The following LPP variants were observed in gnomAD, a reference collection of about 807,000 sequenced individuals.
LPP encodes LIM domain containing preferred translocation partner in lipoma.
In LPP, 38 loss-of-function variants were observed where a neutral mutation model predicts 60.4. That is an observed-to-expected ratio of 0.63 (90% CI 0.49 to 0.83). The LOEUF is 0.83. LPP is among the 40% of genes least tolerant of loss of function. The pLI is 0.00. For missense variants in LPP, 902 were observed against 783.6 expected, an observed-to-expected ratio of 1.15 and a Z score of -1.80; for synonymous variants, 328 against 290.8, an observed-to-expected ratio of 1.13 and a Z score of -1.30.
At chr3:188,269,255 TG>T (rs1443998880) in intron 2 of LPP, among the ~76,000 whole-genome samples, 2 of 152,260 alleles carry the variant, frequency 1.3e-5, no homozygotes, top group Non-Finnish European at 2.9e-5. Flanking sequence ...AGCTCCATGT[TG>T]AAATTATGAG....
At chr3:188,790,568 C>G (rs745989735) in intron 9 of LPP, among the ~76,000 whole-genome samples, 2 of 152,042 alleles carry the variant, frequency 1.3e-5, no homozygotes, top group Admixed American at 6.6e-5. Context: ...CAGTGGCTCA[C>G]GCCTGTAATC....
At chr3:188,279,191 G>A (rs1182594142) in intron 2 of LPP, among the ~76,000 whole-genome samples, 5 of 152,180 alleles carry the variant, frequency 3.3e-5, no homozygotes, top group Non-Finnish European at 7.3e-5. Context: ...TGGAATGACT[G>A]CAGCTATTTA....
intron 6 of LPP, among the ~76,000 whole-genome samples, chr3:188,574,375 T>C (rs1000477437): frequency 6.6e-6 from 1 of 152,230 alleles, no homozygotes; most frequent in Admixed American, 6.5e-5. Context: ...CGCTATATGC[T>C]GGCACCATTT....
At chr3:188,682,901 G>T (rs1227095783) in intron 7 of LPP, among the ~76,000 whole-genome samples, 1 of 152,132 alleles carries the variant, frequency 6.6e-6, no homozygotes, top group African/African-American at 2.4e-5. Flanking sequence ...ATCATACTTG[G>T]CAGCAAAATA....
chr3:188,536,953 C>T (rs1400054288), intron 6 of LPP, among the ~76,000 whole-genome samples: 1 of 152,194 alleles, frequency 6.6e-6, no homozygotes. Flanking sequence ...TCTCCGTCAC[C>T]CAGCCAACAC....
chr3:188,253,169 A>G (rs1395410454), intron 2 of LPP, among the ~76,000 whole-genome samples: 1 of 151,022 alleles, frequency 6.6e-6, no homozygotes, highest in Admixed American at 6.6e-5. Flanking sequence ...TCTATGAAGT[A>G]TATTACACAT....
At chr3:188,255,466 A>G (rs1731343050) in intron 2 of LPP, among the ~76,000 whole-genome samples, 3 of 152,164 alleles carry the variant, frequency 2.0e-5, no homozygotes, top group Admixed American at 2.0e-4. Context: ...AATCTTATTC[A>G]TAGATTCTGG....
chr3:188,406,433 T>C (rs781233784), intron 4 of LPP, 120 bp downstream of exon 4: 5 of 922,792 alleles, frequency 5.4e-6, no homozygotes, highest in Non-Finnish European at 4.9e-6. Context: ...GTGGGTGTCA[T>C]AGGCTACTAA....
At chr3:188,853,566 G>C (rs1040710898) in intron 9 of LPP, among the ~76,000 whole-genome samples, 1 of 152,224 alleles carries the variant, frequency 6.6e-6, no homozygotes, top group Non-Finnish European at 1.5e-5. Context: ...AGACTGAGTT[G>C]TAGGAGAGGT....
chr3:188,502,371 T>G (rs1812179304), intron 5 of LPP, among the ~76,000 whole-genome samples: 1 of 152,252 alleles, frequency 6.6e-6, no homozygotes, highest in Non-Finnish European at 1.5e-5. Flanking sequence ...TCTTCATCTC[T>G]TTTTTGTCTT....
chr3:188,282,932 T>C (rs1361705559), intron 2 of LPP, among the ~76,000 whole-genome samples: 1 of 152,186 alleles, frequency 6.6e-6, no homozygotes, highest in Non-Finnish European at 1.5e-5. Flanking sequence ...GCTAGCTCAG[T>C]AGCTGGCATT....
At chr3:188,635,519 A>C (rs994805666) in intron 7 of LPP, among the ~76,000 whole-genome samples, 1 of 152,194 alleles carries the variant, frequency 6.6e-6, no homozygotes, top group Non-Finnish European at 1.5e-5. Context: ...GTGAGAAATG[A>C]ACGTGTGTGT....
At chr3:188,651,737 G>A (rs1852127693) in intron 7 of LPP, among the ~76,000 whole-genome samples, 1 of 152,074 alleles carries the variant, frequency 6.6e-6, no homozygotes, top group East Asian at 1.9e-4. Context: ...ACTATCATGA[G>A]AACAGCACGG....
At chr3:188,461,689 T>G (rs1798993435) in intron 4 of LPP, among the ~76,000 whole-genome samples, 1 of 152,186 alleles carries the variant, frequency 6.6e-6, no homozygotes, top group South Asian at 2.1e-4. Flanking sequence ...GTGGTTTTCG[T>G]TTTTTGACTC....
intron 1 of LPP, among the ~76,000 whole-genome samples, chr3:188,175,146 G>C (rs28758257): frequency 6.6e-6 from 1 of 152,070 alleles, no homozygotes; most frequent in Non-Finnish European, 1.5e-5. Context: ...GAGTGCAGTC[G>C]TGGGTTCTTG....
intron 7 of LPP, among the ~76,000 whole-genome samples, chr3:188,704,502 G>A (rs544013803): frequency 3.3e-5 from 5 of 152,200 alleles, no homozygotes; most frequent in South Asian, 4.2e-4. Flanking sequence ...TGATACTGCC[G>A]TATAATGTAT....
Position 188,693,507 on chromosome 3 carries a change from G to A in LPP, c.1114-14760G>A, listed in dbSNP as rs185968723. ...AAATAGTTGTTGAGATGAAAGGGGGGAGGCAAGATAGAGGCCAGCTTGATG... is the reference window on the plus strand; with the variant it reads ...AAATAGTTGTTGAGATGAAAGGGGGAAGGCAAGATAGAGGCCAGCTTGATG... On this transcript the variant is annotated intron_variant, in intron 7 of 11. Transcript: ENST00000617246. 7.2e-3 allele frequency among the ~76,000 whole-genome samples: 1,099 copies of A among 152,220 alleles called. 4 individuals carry two copies. Among genetic ancestry groups the A allele is most frequent in the Non-Finnish European group, 0.011 (716 of 68,016 alleles).
chr3:188,216,273 C>CTTT (rs1315000809), intron 1 of LPP, among the ~76,000 whole-genome samples: 9 of 131,164 alleles, frequency 6.9e-5, no homozygotes, highest in Non-Finnish European at 9.7e-5. Flanking sequence ...CTTCTTCTTC[C>CTTT]TTTTTTTTTT....
chr3:188,680,652 C>G (rs1334712571), intron 7 of LPP, among the ~76,000 whole-genome samples: 3 of 152,166 alleles, frequency 2.0e-5, no homozygotes, highest in Non-Finnish European at 4.4e-5. Context: ...CAGGAAAGGT[C>G]TCAGCTTTCT....
Sources: gnomAD v4.1 joint callset for allele counts (sites outside exome capture counted in the v4.1 genomes callset) on GRCh38, gnomAD v4.1.1 for gene constraint, MANE v1.5 for transcripts, NCBI Gene and HGNC (gene_info 2026-07-23, HGNC 2026-07-21) for gene names.